Variants in METAP1 observed in about 807,000 individuals in gnomAD.
METAP1 encodes methionyl aminopeptidase 1.
METAP1 carries 28 observed loss-of-function variants against 53.8 expected under a neutral mutation model. That is an observed-to-expected ratio of 0.52 (90% CI 0.39 to 0.71). METAP1 has a LOEUF of 0.71. Ranked by LOEUF, METAP1 falls within the 30% of genes least tolerant of loss-of-function variation. The pLI, the probability that METAP1 is intolerant of heterozygous loss-of-function variation, is 0.00. For synonymous variants in METAP1, 181 were observed against 165.7 expected, an observed-to-expected ratio of 1.09 and a Z score of -0.71; for missense variants, 389 against 479.8, an observed-to-expected ratio of 0.81 and a Z score of 1.77.
rs776775282 is a variant in METAP1 at position 99,045,315 on chromosome 4, G to T, written c.787+5G>T. ...TGATGCAAGCCATTGATGCAGGTCA[G>T]CCTCAGTGTTGAGCACCTATTGGCA... On this transcript the variant is annotated splice_donor_5th_base_variant and intron_variant, in intron 8 of 10. Transcript: ENST00000296411. 3 of 1,613,296 alleles carry T rather than the reference G, an allele frequency of 1.9e-6. No individual in the cohort carries two copies. The African/African-American group carries it at 4.0e-5, about 22-fold the overall frequency.
chr4:99,022,903 G>T, intron 1 of METAP1: 1 of 1,509,294 alleles, frequency 6.6e-7, no homozygotes, highest in Non-Finnish European at 8.9e-7. Flanking sequence ...TCCTCAGCCT[G>T]AAAGAACGCA....
chr4:99,022,909 A>G (rs1177925561), intron 1 of METAP1: 3 of 1,502,414 alleles, frequency 2.0e-6, no homozygotes, highest in Non-Finnish European at 2.7e-6. Context: ...GCCTGAAAGA[A>G]CGCATCTGAC....
At chr4:99,023,420 A>G (rs1724295635) in intron 1 of METAP1, 1 of 891,714 alleles carries the variant, frequency 1.1e-6, no homozygotes. Flanking sequence ...ATTTATATAT[A>G]TGTTATATCT....
chr4:98,995,881 G>T lies in METAP1; in HGVS notation c.114+14G>T. 3.3e-6 allele frequency: 5 copies of T among 1,529,966 alleles called. No individual in the cohort carries two copies. The highest frequency in any genetic ancestry group is 4.4e-6 in the Non-Finnish European group (5 of 1,133,318). 94.8% of individuals were successfully genotyped at this position (1,529,966 alleles called of 1,614,324 possible). A position where few individuals can be genotyped will look rare whatever the true frequency, so the allele number is the denominator to read the frequency against. On this transcript the variant is annotated intron_variant, in intron 1 of 10. Coordinates refer to ENST00000296411, the MANE Select transcript of METAP1 (RefSeq NM_015143.3). ...TTCTGCTCGCAGGTAGGCGCCCGCT[G>T]CCCCGCGGATATGCCGCCGCTGCGG...
In METAP1 at chr4:99,023,376, TG is replaced by T. The variant is rs556872902; in HGVS notation, c.115-5490del. ...GGGTCAAAGTATTTTTTTTTGTCTT[TG>T]CATATGTGTTTATATATTAAGTATT... On this transcript the variant is annotated intron_variant, in intron 1 of 10. Coordinates refer to ENST00000296411, the MANE Select transcript of METAP1 (RefSeq NM_015143.3). The T allele has an allele frequency of 3.6e-4, 309 of 870,204 alleles. 2 individuals are homozygous for T. The African/African-American group carries it at 5.3e-3, about 15-fold the overall frequency. 53.9% of individuals were successfully genotyped at this position (870,204 alleles called of 1,614,324 possible).
intron 1 of METAP1, among the ~76,000 whole-genome samples, chr4:99,013,610 GT>G (rs1214386172): frequency 1.3e-5 from 2 of 152,186 alleles, no homozygotes; most frequent in Admixed American, 1.3e-4. Flanking sequence ...CCCTATGGCT[GT>G]GTCCCGTTCC....
At chr4:99,015,088 G>A (rs1723679730) in intron 1 of METAP1, among the ~76,000 whole-genome samples, 1 of 152,234 alleles carries the variant, frequency 6.6e-6, no homozygotes, top group Admixed American at 6.5e-5. Context: ...GAACACTTAA[G>A]TGGAAAGGGG....
At chr4:99,041,853 A>G (rs1420576995) in intron 6 of METAP1, among the ~76,000 whole-genome samples, 1 of 149,572 alleles carries the variant, frequency 6.7e-6, no homozygotes. Context: ...TTGACAATCT[A>G]TCTTGAGCTA....
intron 1 of METAP1, 45 bp downstream of exon 1, chr4:98,995,912 C>G (rs1243830773): frequency 4.2e-6 from 6 of 1,412,170 alleles, no homozygotes; most frequent in South Asian, 3.7e-5. Context: ...TGCGGGACCC[C>G]TCCTCGCTTC....
At chr4:99,029,002 G>C in intron 2 of METAP1, 84 bp downstream of exon 2, 1 of 897,860 alleles carries the variant, frequency 1.1e-6, no homozygotes, top group South Asian at 1.7e-5. Flanking sequence ...AGTTCTGAAA[G>C]TGTATATTTG....
intron 7 of METAP1, 132 bp from the exon 8 acceptor site, chr4:99,045,047 C>T: frequency 1.2e-6 from 1 of 837,662 alleles, no homozygotes; most frequent in Admixed American, 2.4e-5. Context: ...AACTATCTAT[C>T]CATTGGTGTC....
chr4:99,028,827 A>T, intron 1 of METAP1, 40 bp from the exon 2 acceptor site: 1 of 1,417,750 alleles, frequency 7.1e-7, no homozygotes, highest in Non-Finnish European at 9.6e-7. Flanking sequence ...TTTCTTATTA[A>T]GGAAGGCCTG....
intron 1 of METAP1, 112 bp downstream of exon 1, chr4:98,995,979 C>A (rs531091868): frequency 9.4e-6 from 8 of 853,166 alleles, no homozygotes; most frequent in Non-Finnish European, 1.3e-5. Flanking sequence ...CTCCTCTTCC[C>A]CCCGGCCGCG....
chr4:99,047,547 T>TC (rs1250295097), intron 8 of METAP1, among the ~76,000 whole-genome samples: 1 of 151,888 alleles, frequency 6.6e-6, no homozygotes, highest in Non-Finnish European at 1.5e-5. Flanking sequence ...TCCTTCCTTC[T>TC]CCCCCCAAAA....
At chr4:99,008,723 G>A (rs1167950175) in intron 1 of METAP1, among the ~76,000 whole-genome samples, 2 of 152,154 alleles carry the variant, frequency 1.3e-5, no homozygotes, top group African/African-American at 2.4e-5. Flanking sequence ...CTTGGTAGTG[G>A]TGTGAGGATT....
chr4:99,049,301 A>C (rs1473707717), intron 9 of METAP1, among the ~76,000 whole-genome samples: 3 of 152,198 alleles, frequency 2.0e-5, no homozygotes, highest in Non-Finnish European at 4.4e-5. Flanking sequence ...GGCTACATTT[A>C]AATGCAAGGG....
chr4:99,026,518 G>A (rs1724574203), intron 1 of METAP1: 1 of 985,228 alleles, frequency 1.0e-6, no homozygotes, highest in Non-Finnish European at 1.2e-6. Flanking sequence ...GTTATACAAA[G>A]GGAAGAGATT....
chr4:98,999,633 C>A (rs1722827655), intron 1 of METAP1, among the ~76,000 whole-genome samples: 1 of 149,794 alleles, frequency 6.7e-6, no homozygotes, highest in African/African-American at 2.5e-5. Flanking sequence ...GCTTCAGCCT[C>A]CCCAGTAGCT....
At chr4:99,048,689 G>GT in intron 8 of METAP1, 44 bp from the exon 9 acceptor site, 1 of 1,591,520 alleles carries the variant, frequency 6.3e-7, no homozygotes, top group Non-Finnish European at 8.6e-7. Context: ...TGCTTAGTAC[G>GT]TATTAGTTAT....
Sources: allele counts gnomAD v4.1 joint callset (sites outside exome capture counted in the v4.1 genomes callset), GRCh38; gene constraint gnomAD v4.1.1; transcripts MANE v1.5; gene names NCBI Gene and HGNC (gene_info 2026-07-23, HGNC 2026-07-21).